NCKAP1: variants seen among roughly 807,000 people sequenced by gnomAD.
NCKAP1 encodes nck-associated protein 1.
In NCKAP1, 21 loss-of-function variants were observed where a neutral mutation model predicts 151.2. The ratio of observed to expected loss-of-function variants is 0.14; its 90% confidence interval spans 0.10 to 0.20. The LOEUF is 0.20. Among genes scored for constraint, NCKAP1 ranks in the 10% least tolerant of loss-of-function variants. NCKAP1 has a pLI of 1.00. For synonymous variants in NCKAP1, 484 were observed against 451.8 expected (o/e 1.07, Z -0.90); for missense variants, 933 against 1,352.1 (o/e 0.69, Z 4.86).
Position 182,920,400 on chromosome 2 carries a change from T to G in NCKAP1, c.*5302A>C, listed in dbSNP as rs1434135773. ...ACATTCAGAAGCAACACTGTCATCTTGAGAGCCACATCATTCCAGTGTCAC... is the reference window on the plus strand; with the variant it reads ...ACATTCAGAAGCAACACTGTCATCTGGAGAGCCACATCATTCCAGTGTCAC... On this transcript the variant is annotated 3_prime_UTR_variant, in exon 31 of 31. Coordinates refer to ENST00000361354, the MANE Select transcript of NCKAP1 (RefSeq NM_013436.5). 1 of 152,226 alleles carries G rather than the reference T, an allele frequency of 6.6e-6. No individual in the cohort carries two copies. Among genetic ancestry groups the G allele is most frequent in the Middle Eastern group, 3.2e-3 (1 of 316 alleles). 9.4% of individuals were successfully genotyped at this position (152,226 alleles called of 1,614,324 possible).
At chr2:182,937,897 C>T (rs1320982045) in intron 24 of NCKAP1, among the ~76,000 whole-genome samples, 1 of 152,134 alleles carries the variant, frequency 6.6e-6, no homozygotes, top group African/African-American at 2.4e-5. Flanking sequence ...TCCCCACCTA[C>T]TTATACCTGC....
intron 14 of NCKAP1, among the ~76,000 whole-genome samples, chr2:182,978,107 T>A (rs911466863): frequency 6.6e-6 from 1 of 152,172 alleles, no homozygotes; most frequent in African/African-American, 2.4e-5. Flanking sequence ...TAACTCTATA[T>A]AAACCAAATA....
rs1041270047 is a variant in NCKAP1 at position 182,912,612 on chromosome 2, T to C, written c.*13090A>G. 1 of 152,250 alleles carries C rather than the reference T, an allele frequency of 6.6e-6. No individual in the cohort carries two copies. The highest frequency in any genetic ancestry group is 2.4e-5 in the African/African-American group (1 of 41,470). 9.4% of individuals were successfully genotyped at this position (152,250 alleles called of 1,614,324 possible). On this transcript the variant is annotated 3_prime_UTR_variant, in exon 31 of 31. Transcript: ENST00000361354. ...ATAAGTTAATACACTTTTTCCCCAT[T>C]CTGTGGAGTTCAGAATTATAAATGC...
chr2:182,952,574 T>C (rs1290138630), intron 22 of NCKAP1, 72 bp from the exon 23 acceptor site: 4 of 1,200,226 alleles, frequency 3.3e-6, no homozygotes, highest in African/African-American at 3.1e-5. Flanking sequence ...ATTAACACAA[T>C]ACAACATCTC....
chr2:182,938,921 G>T (rs1315385882), intron 24 of NCKAP1, among the ~76,000 whole-genome samples: 1 of 152,180 alleles, frequency 6.6e-6, no homozygotes, highest in African/African-American at 2.4e-5. Flanking sequence ...AGACATGGCT[G>T]TGATCTGAGA....
intron 18 of NCKAP1, among the ~76,000 whole-genome samples, chr2:182,959,661 C>T (rs1481184406): frequency 6.6e-6 from 1 of 152,130 alleles, no homozygotes; most frequent in African/African-American, 2.4e-5. Context: ...GGAAGCACTC[C>T]CTTTGAAAAC....
intron 6 of NCKAP1, among the ~76,000 whole-genome samples, chr2:182,998,601 G>A (rs547111829): frequency 2.0e-5 from 3 of 151,986 alleles, no homozygotes; most frequent in Admixed American, 6.5e-5. Context: ...AGGCCAAGGC[G>A]GGCTGATTAC....
intron 16 of NCKAP1, 91 bp downstream of exon 16, chr2:182,967,125 C>A: frequency 8.1e-7 from 1 of 1,230,296 alleles, no homozygotes; most frequent in Non-Finnish European, 1.1e-6. Context: ...ACTGAACTGT[C>A]TTAAGGACTA....
At chr2:183,022,610 G>T (rs771423587) in intron 2 of NCKAP1, among the ~76,000 whole-genome samples, 11 of 152,012 alleles carry the variant, frequency 7.2e-5, no homozygotes, top group Non-Finnish European at 1.5e-4. Flanking sequence ...AACATAGTGA[G>T]ATCTCGTCTC....
intron 23 of NCKAP1, among the ~76,000 whole-genome samples, chr2:182,946,147 C>G (rs112885862): frequency 0.054 from 8,266 of 152,232 alleles, 300 homozygotes; most frequent in Non-Finnish European, 0.08. Context: ...CGCCTGTAAT[C>G]TCAGCATTTT....
At chr2:182,992,711 C>T (rs955528039) in intron 8 of NCKAP1, among the ~76,000 whole-genome samples, 12 of 152,064 alleles carry the variant, frequency 7.9e-5, no homozygotes, top group East Asian at 1.9e-4. Flanking sequence ...AAAATAGCTA[C>T]GGCCAGATAG....
chr2:182,929,814 G>C (rs1696724194), intron 27 of NCKAP1, among the ~76,000 whole-genome samples: 1 of 150,714 alleles, frequency 6.6e-6, no homozygotes, highest in Admixed American at 6.6e-5. Flanking sequence ...GCCTCAAGGA[G>C]GCAGAAGGGG....
chr2:183,009,339 T>A (rs796459857), intron 2 of NCKAP1, among the ~76,000 whole-genome samples: 1 of 140,692 alleles, frequency 7.1e-6, no homozygotes, highest in African/African-American at 2.7e-5. Flanking sequence ...TGTGCCATTG[T>A]ACTCCAGCCT....
chr2:182,918,279 T>A lies in NCKAP1; in HGVS notation c.*7423A>T, dbSNP rs1336888262. On this transcript the variant is annotated 3_prime_UTR_variant, in exon 31 of 31. Transcript: ENST00000361354. The stretch of plus-strand genomic sequence containing the variant: ...TGTTATTTTTTTTGTCCCTCATTGT[T>A]AATGTAAAGCAGTTTCAAATGCTAC... 1 of 152,180 alleles carries A rather than the reference T, an allele frequency of 6.6e-6. No homozygotes were observed. The highest frequency in any genetic ancestry group is 1.5e-5 in the Non-Finnish European group (1 of 68,020). 9.4% of individuals were successfully genotyped at this position (152,180 alleles called of 1,614,324 possible). A position where few individuals can be genotyped will look rare whatever the true frequency, so the allele number is the denominator to read the frequency against.
At chr2:183,020,477 A>AG (rs1698775690) in intron 2 of NCKAP1, among the ~76,000 whole-genome samples, 1 of 145,644 alleles carries the variant, frequency 6.9e-6, no homozygotes, top group Non-Finnish European at 1.5e-5. Flanking sequence ...AAAAAAAAAA[A>AG]AAAGAAAAAA....
At position 183,038,118 on chromosome 2, in the gene NCKAP1, G is replaced by T; in HGVS notation, c.-19C>A. On this transcript the variant is annotated 5_prime_UTR_variant, in exon 1 of 31. Transcript: ENST00000361354. ...GCGACATGGTGGTGCTGGTGCCGCC[G>T]CCGCCGCCGGCCGCCTCGCGCCCAG... 1 of 1,511,822 alleles carries T rather than the reference G, an allele frequency of 6.6e-7. No individual in the cohort carries two copies. The highest frequency in any genetic ancestry group is 8.8e-7 in the Non-Finnish European group (1 of 1,136,234). 93.7% of individuals were successfully genotyped at this position (1,511,822 alleles called of 1,614,324 possible).
At chr2:182,983,472 A>T (rs369808480) in intron 10 of NCKAP1, 90 bp from the exon 11 acceptor site, 1 of 902,308 alleles carries the variant, frequency 1.1e-6, no homozygotes, top group East Asian at 2.6e-5. Flanking sequence ...TGCAACTTCC[A>T]AAGTCTTTTT....
intron 23 of NCKAP1, among the ~76,000 whole-genome samples, chr2:182,946,256 C>T (rs2105815734): frequency 6.6e-6 from 1 of 152,128 alleles, no homozygotes; most frequent in East Asian, 1.9e-4. Flanking sequence ...AAAAATTAGC[C>T]AGGCGTGGCG....
At chr2:183,007,137 T>G (rs1391916309) in intron 2 of NCKAP1, among the ~76,000 whole-genome samples, 1 of 152,196 alleles carries the variant, frequency 6.6e-6, no homozygotes, top group Non-Finnish European at 1.5e-5. Flanking sequence ...CCTCCCAAAG[T>G]GCTGGGATTA....
Sources: allele counts gnomAD v4.1 joint callset (sites outside exome capture counted in the v4.1 genomes callset), GRCh38; gene constraint gnomAD v4.1.1; transcripts MANE v1.5; gene names NCBI Gene and HGNC (gene_info 2026-07-23, HGNC 2026-07-21).